Variants in AKAP13 observed in about 807,000 individuals in gnomAD.
AKAP13 encodes the protein A-kinase anchor protein 13.
In AKAP13, 80 loss-of-function variants were observed where a neutral mutation model predicts 264.5. The ratio of observed to expected loss-of-function variants is 0.30; its 90% CI spans 0.25 to 0.36. The LOEUF is 0.36. Ranked by LOEUF, AKAP13 falls within the 10% of genes least tolerant of loss-of-function variation. The probability of loss-of-function intolerance (pLI) is 1.00; values close to 1 mark genes in which losing one functional copy is unlikely to be tolerated. For missense variants in AKAP13, 3,712 were observed against 3,435.2 expected (o/e 1.08, Z -2.01); for synonymous variants, 1,380 against 1,250.2 (o/e 1.10, Z -2.19).
At chr15:85,535,374 C>T (rs936574183) in intron 4 of AKAP13, 2 of 152,178 alleles carry the variant, frequency 1.3e-5, no homozygotes, top group African/African-American at 2.4e-5. Context: ...CCTGGATAGT[C>T]CTGCCCAGGT....
chr15:85,505,820 T>G (rs2076204706), intron 2 of AKAP13, among the ~76,000 whole-genome samples: 1 of 152,202 alleles, frequency 6.6e-6, no homozygotes, highest in South Asian at 2.1e-4. Context: ...CTAGGTTAAA[T>G]AAATAAGGGT....
intron 8 of AKAP13, among the ~76,000 whole-genome samples, chr15:85,608,695 G>A (rs1292665745): frequency 1.3e-5 from 2 of 152,188 alleles, no homozygotes; most frequent in Non-Finnish European, 2.9e-5. Context: ...AACCATGATT[G>A]TTCTGAGAGC....
chr15:85,440,025 TAAGG>T (rs2073563981), intron 1 of AKAP13, among the ~76,000 whole-genome samples: 1 of 152,000 alleles, frequency 6.6e-6, no homozygotes, highest in African/African-American at 2.4e-5. Flanking sequence ...ACTGAAAAGT[TAAGG>T]AAGCATTTGG....
chr15:85,469,487 C>T (rs1013176870), intron 1 of AKAP13, among the ~76,000 whole-genome samples: 1 of 152,086 alleles, frequency 6.6e-6, no homozygotes, highest in African/African-American at 2.4e-5. Flanking sequence ...TAAAGTTTAG[C>T]ATTGATCCCT....
intron 1 of AKAP13, among the ~76,000 whole-genome samples, chr15:85,398,358 A>G (rs562043024): frequency 6.6e-6 from 1 of 152,320 alleles, no homozygotes; most frequent in South Asian, 2.1e-4. Context: ...TAGTCCCCCA[A>G]AAGTACACAT....
chr15:85,534,570 G>A (rs893517365), intron 4 of AKAP13: 2 of 151,948 alleles, frequency 1.3e-5, no homozygotes, highest in African/African-American at 4.8e-5. Context: ...AAATAGCTGG[G>A]ATTACAGGCA....
chr15:85,631,826 T>G (rs947389137), intron 8 of AKAP13, among the ~76,000 whole-genome samples: 7 of 152,198 alleles, frequency 4.6e-5, no homozygotes. Context: ...TGTATCAGCC[T>G]GAAGTTGTTA....
chr15:85,722,164 G>T, intron 24 of AKAP13, 48 bp downstream of exon 24: 1 of 1,611,418 alleles, frequency 6.2e-7, no homozygotes, highest in South Asian at 1.1e-5. Context: ...AGAGCCATGT[G>T]TCCCTGTCGG....
At chr15:85,540,276 C>G (rs1433135201) in intron 4 of AKAP13, among the ~76,000 whole-genome samples, 1 of 152,186 alleles carries the variant, frequency 6.6e-6, no homozygotes, top group Non-Finnish European at 1.5e-5. Context: ...GGAATCCCTT[C>G]TCTCCAGGGG....
At chr15:85,539,794 T>C (rs2077524487) in intron 4 of AKAP13, among the ~76,000 whole-genome samples, 1 of 152,162 alleles carries the variant, frequency 6.6e-6, no homozygotes, top group Non-Finnish European at 1.5e-5. Flanking sequence ...TTAAGTATGG[T>C]TAAACAGGAT....
chr15:85,402,943 C>T (rs995830019), intron 1 of AKAP13, among the ~76,000 whole-genome samples: 5 of 152,222 alleles, frequency 3.3e-5, no homozygotes, highest in East Asian at 1.9e-4. Flanking sequence ...TTAATAGCAC[C>T]GCTGTTACTC....
chr15:85,691,658 C>T (rs995311068), intron 16 of AKAP13, among the ~76,000 whole-genome samples: 1 of 152,154 alleles, frequency 6.6e-6, no homozygotes, highest in African/African-American at 2.4e-5. Flanking sequence ...ACTCTCAGCC[C>T]AGTGCCCCCA....
At chr15:85,504,480 G>T (rs1183365537) in intron 2 of AKAP13, among the ~76,000 whole-genome samples, 1 of 120,204 alleles carries the variant, frequency 8.3e-6, no homozygotes, top group East Asian at 3.0e-4. Context: ...CAGCCTATGC[G>T]ATGTGGTGAG....
chr15:85,568,359 A>G (rs2078685274), intron 5 of AKAP13, among the ~76,000 whole-genome samples: 3 of 152,186 alleles, frequency 2.0e-5, no homozygotes, highest in Admixed American at 1.3e-4. Context: ...GAAAGATCCT[A>G]TGTCCATAGA....
chr15:85,743,346 G>A (rs767873368), intron 35 of AKAP13, 146 bp from the exon 36 acceptor site: 40 of 757,194 alleles, frequency 5.3e-5, no homozygotes, highest in Non-Finnish European at 7.8e-5. Flanking sequence ...GCTCTATGCA[G>A]TCCACAGACG....
rs934723058 is a variant in AKAP13 at position 85,724,599 on chromosome 15, A to G, written c.6745+1279A>G. 6.6e-6 allele frequency among the ~76,000 whole-genome samples: 1 copy of G among 151,704 alleles called. No individual in the cohort carries two copies. ...GAGGGGCCAGGTTGTAATGAGGTGCATTCTCCAGACTGAGGAGTTAACAGT... is the reference window on the plus strand; with the variant it reads ...GAGGGGCCAGGTTGTAATGAGGTGCGTTCTCCAGACTGAGGAGTTAACAGT... On this transcript the variant is annotated intron_variant, in intron 26 of 36. Transcript: ENST00000394518. The surrounding 1 kb of genome is among the most constrained non-coding windows in gnomAD (Gnocchi z 4.2).
At chr15:85,546,695 G>GTA (rs2077757383) in intron 5 of AKAP13, among the ~76,000 whole-genome samples, 1 of 151,488 alleles carries the variant, frequency 6.6e-6, no homozygotes, top group East Asian at 1.9e-4. Flanking sequence ...GAAGGGGTTT[G>GTA]TAGAAAGTTA....
At chr15:85,622,350 A>G (rs2081231871) in intron 8 of AKAP13, among the ~76,000 whole-genome samples, 1 of 152,046 alleles carries the variant, frequency 6.6e-6, no homozygotes, top group African/African-American at 2.4e-5. Flanking sequence ...ATGCTAAGGA[A>G]GAGCTCTCTA....
chr15:85,500,349 A>G (rs1265872690), intron 2 of AKAP13, among the ~76,000 whole-genome samples: 1 of 152,190 alleles, frequency 6.6e-6, no homozygotes, highest in Admixed American at 6.5e-5. Context: ...ATCTCATTTT[A>G]TTGGTCTGAC....
Sources: gnomAD v4.1 joint callset for allele counts (sites outside exome capture counted in the v4.1 genomes callset) on GRCh38, gnomAD v4.1.1 for gene constraint, Gnocchi (gnomAD v3.1) non-coding constraint, MANE v1.5 for transcripts, NCBI Gene and HGNC (gene_info 2026-07-23, HGNC 2026-07-21) for gene names.